HMBOX1: variants seen among roughly 807,000 people sequenced by gnomAD.
The protein encoded by HMBOX1 is homeobox-containing protein 1.
Under a neutral mutation model 54.5 loss-of-function variants are expected in HMBOX1, and 14 were observed. The observed-to-expected ratio is 0.26, with a 90% confidence interval of 0.17 to 0.40. The LOEUF (loss-of-function observed/expected upper bound fraction) is 0.40. HMBOX1 is among the 10% of genes least tolerant of loss of function. HMBOX1 has a pLI of 1.00. For synonymous variants in HMBOX1, 160 were observed against 181.0 expected (o/e 0.88, Z 0.93); for missense variants, 332 against 514.4 (o/e 0.65, Z 3.43).
intron 6 of HMBOX1, among the ~76,000 whole-genome samples, chr8:29,021,153 C>T (rs931695298): frequency 5.3e-5 from 8 of 151,836 alleles, no homozygotes; most frequent in South Asian, 2.1e-4. Context: ...CCAACCTGGG[C>T]GACATAGTAA....
chr8:28,903,406 G>A (rs1563355412), intron 1 of HMBOX1, among the ~76,000 whole-genome samples: 2 of 152,234 alleles, frequency 1.3e-5, no homozygotes, highest in Non-Finnish European at 2.9e-5. Context: ...ACATTGTTGT[G>A]AATGGGACTA....
intron 4 of HMBOX1, among the ~76,000 whole-genome samples, chr8:28,996,280 C>A (rs1439885003): frequency 1.1e-4 from 16 of 151,882 alleles, no homozygotes; most frequent in Non-Finnish European, 1.5e-5. Context: ...AAGTTGAATT[C>A]TTTATATAAG....
intron 1 of HMBOX1, among the ~76,000 whole-genome samples, chr8:28,914,849 G>GAATGCAT (rs1368204824): frequency 6.6e-6 from 1 of 152,174 alleles, no homozygotes; most frequent in African/African-American, 2.4e-5. Flanking sequence ...AAAAACCAGT[G>GAATGCAT]AATGCATTAT....
chr8:28,923,871 G>T (rs1384081584), intron 1 of HMBOX1, among the ~76,000 whole-genome samples: 1 of 151,796 alleles, frequency 6.6e-6, no homozygotes, highest in Non-Finnish European at 1.5e-5. Context: ...TAATGTCCTT[G>T]GGTATCTTTT....
At chr8:28,890,252 A>C, upstream of HMBOX1, 1 of 194,174 alleles carries the variant, frequency 5.2e-6, no homozygotes, top group Non-Finnish European at 1.1e-5. Context: ...CCCTCCTCCC[A>C]AAGGGAAGGC....
intron 8 of HMBOX1, among the ~76,000 whole-genome samples, chr8:29,047,942 A>G (rs893765221): frequency 1.3e-5 from 2 of 152,132 alleles, no homozygotes; most frequent in Non-Finnish European, 2.9e-5. Context: ...AGTATTATTT[A>G]CACTATTTGT....
At chr8:28,982,863 A>T (rs1433121725) in intron 4 of HMBOX1, among the ~76,000 whole-genome samples, 1 of 151,980 alleles carries the variant, frequency 6.6e-6, no homozygotes, top group African/African-American at 2.4e-5. Context: ...AGCTCAGGTG[A>T]TCCACCCGCT....
chr8:28,925,700 A>G (rs1432640402), intron 1 of HMBOX1, among the ~76,000 whole-genome samples: 15 of 151,982 alleles, frequency 9.9e-5, no homozygotes, highest in Admixed American at 9.8e-4. Flanking sequence ...CTTCCTCATT[A>G]TGTTGCTTCT....
intron 1 of HMBOX1, among the ~76,000 whole-genome samples, chr8:28,938,070 T>C (rs1299636066): frequency 6.6e-6 from 1 of 152,198 alleles, no homozygotes; most frequent in Non-Finnish European, 1.5e-5. Flanking sequence ...ACTAGAGTTC[T>C]TATATGTCTG....
chr8:29,007,171 C>G lies in HMBOX1; in HGVS notation c.587-1901C>G, dbSNP rs1332590462. ...GGGCATGGTGGCGCATGCCTGAAGT[C>G]CCAGCTACTCGGGAGGCTGAGGCGG... On this transcript the variant is annotated intron_variant, in intron 4 of 9. Coordinates refer to ENST00000287701, the MANE Select transcript of HMBOX1 (RefSeq NM_001135726.3). 4.6e-5 allele frequency among the ~76,000 whole-genome samples: 7 copies of G among 152,004 alleles called. No individual in the cohort carries two copies. In the East Asian group the frequency reaches 1.4e-3, roughly 29 times the overall value.
At chr8:28,995,836 C>T (rs577329058) in intron 4 of HMBOX1, among the ~76,000 whole-genome samples, 1 of 152,316 alleles carries the variant, frequency 6.6e-6, no homozygotes, top group Admixed American at 6.5e-5. Context: ...GGCGCGGTGG[C>T]TCACGCCTGT....
intron 5 of HMBOX1, among the ~76,000 whole-genome samples, chr8:29,012,536 G>A (rs1002907281): frequency 6.6e-6 from 1 of 152,154 alleles, no homozygotes; most frequent in Admixed American, 6.5e-5. Context: ...TTATGTAGGG[G>A]AACACACACA....
chr8:29,029,548 A>G (rs1318719347), intron 6 of HMBOX1, among the ~76,000 whole-genome samples: 1 of 152,168 alleles, frequency 6.6e-6, no homozygotes, highest in East Asian at 1.9e-4. Flanking sequence ...TCATTTACCT[A>G]TATTTGGTCA....
At chr8:28,892,448 T>G (rs576991256) in intron 1 of HMBOX1, among the ~76,000 whole-genome samples, 107 of 152,326 alleles carry the variant, frequency 7.0e-4, no homozygotes, top group Non-Finnish European at 1.2e-3. Context: ...AATCCTTATG[T>G]GACAATTTTT....
chr8:28,939,113 A>G (rs1458588832), intron 1 of HMBOX1, among the ~76,000 whole-genome samples: 1 of 152,110 alleles, frequency 6.6e-6, no homozygotes, highest in East Asian at 1.9e-4. Context: ...AATATGGTGA[A>G]ATCCCATCTC....
At chr8:28,894,872 TC>T (rs2131497155) in intron 1 of HMBOX1, among the ~76,000 whole-genome samples, 1 of 152,182 alleles carries the variant, frequency 6.6e-6, no homozygotes, top group East Asian at 1.9e-4. Flanking sequence ...ATTAAGTTTT[TC>T]CAGTGATTAG....
chr8:28,994,067 TG>T (rs781738461), intron 4 of HMBOX1, among the ~76,000 whole-genome samples: 22 of 151,084 alleles, frequency 1.5e-4, no homozygotes, highest in Non-Finnish European at 2.2e-4. Context: ...TTCGGGAGAC[TG>T]AGGAAGGAGA....
At chr8:28,962,491 G>A (rs972749383) in intron 1 of HMBOX1, among the ~76,000 whole-genome samples, 2 of 151,032 alleles carry the variant, frequency 1.3e-5, no homozygotes, top group Non-Finnish European at 3.0e-5. Context: ...TAAACGTGCT[G>A]CATGGTTCTC....
intron 1 of HMBOX1, among the ~76,000 whole-genome samples, chr8:28,961,974 G>A (rs989320199): frequency 4.5e-5 from 6 of 131,886 alleles, no homozygotes; most frequent in East Asian, 2.2e-4. Flanking sequence ...AGCCTTGAAC[G>A]TGTTGCCCAA....
Sources: allele counts gnomAD v4.1 joint callset (sites outside exome capture counted in the v4.1 genomes callset), GRCh38; gene constraint gnomAD v4.1.1; transcripts MANE v1.5; gene names NCBI Gene and HGNC (gene_info 2026-07-23, HGNC 2026-07-21).